MALRD1: variants seen among roughly 807,000 people sequenced by gnomAD.
MALRD1 encodes MAM and LDL-receptor class A domain-containing protein 1.
MALRD1 carries 247 observed loss-of-function variants against 242.1 expected under a neutral mutation model. The observed-to-expected ratio is 1.02, with a 90% confidence interval of 0.92 to 1.13. The LOEUF (loss-of-function observed/expected upper bound fraction) is 1.13, where lower values mean the gene tolerates loss of function less well. MALRD1 is among the 50% of genes most tolerant of loss of function. The probability of loss-of-function intolerance (pLI) is 0.00; values close to 1 mark genes in which losing one functional copy is unlikely to be tolerated. For synonymous variants in MALRD1, 995 were observed against 866.6 expected, an observed-to-expected ratio of 1.15 and a Z score of -2.60; for missense variants, 2,989 against 2,533.1, an observed-to-expected ratio of 1.18 and a Z score of -3.86.
chr10:19,360,824 T>C (rs544645296), intron 26 of MALRD1, among the ~76,000 whole-genome samples: 5 of 152,256 alleles, frequency 3.3e-5, no homozygotes, highest in South Asian at 2.1e-4. Flanking sequence ...ATAGTAATAA[T>C]GTTAAGTTGC....
intron 33 of MALRD1, among the ~76,000 whole-genome samples, chr10:19,592,591 G>A (rs146870495): frequency 1.5e-4 from 23 of 152,262 alleles, no homozygotes; most frequent in Non-Finnish European, 2.6e-4. Flanking sequence ...GCCCAATGGC[G>A]ACCTTGAAAA....
intron 19 of MALRD1, among the ~76,000 whole-genome samples, chr10:19,276,540 A>G (rs924277049): frequency 1.3e-5 from 2 of 152,182 alleles, no homozygotes; most frequent in Non-Finnish European, 2.9e-5. Flanking sequence ...TAATCTCATT[A>G]TAGATTTATT....
At chr10:19,249,343 G>A (rs777823919) in intron 18 of MALRD1, among the ~76,000 whole-genome samples, 11 of 151,724 alleles carry the variant, frequency 7.3e-5, no homozygotes, top group Non-Finnish European at 1.2e-4. Context: ...CAAAGTAAAA[G>A]GATGCAGGAT....
rs958965 is a variant in MALRD1 at position 19,697,327 on chromosome 10, C to T, written c.6314+4773C>T. 1.1e-4 allele frequency among the ~76,000 whole-genome samples: 16 copies of T among 152,184 alleles called. 1 individual carries two copies. Among genetic ancestry groups the T allele is most frequent in the Admixed American group, 1.0e-3 (16 of 15,274 alleles). ...GGCAGGAAACTCTGACAGAGTTTTG[C>T]ATCTCAGTCTTGAGGCAGAACCCTT... On this transcript the variant is annotated intron_variant, in intron 38 of 39. Transcript: ENST00000454679.
chr10:19,549,593 T>C (rs996163713), intron 32 of MALRD1, among the ~76,000 whole-genome samples: 4 of 152,204 alleles, frequency 2.6e-5, no homozygotes, highest in Non-Finnish European at 5.9e-5. Flanking sequence ...ACATTGCTTT[T>C]TGTAGGCATA....
At position 19,531,213 on chromosome 10, in the gene MALRD1, G is replaced by T. The variant is rs1834399238; in HGVS notation, c.5340G>T (p.Leu1780=). 8 of 1,550,124 alleles carry T rather than the reference G, an allele frequency of 5.2e-6. 1 individual carries two copies. The South Asian group carries it at 7.1e-5, about 14-fold the overall frequency. The change falls in exon 32 of 40, where the codon CTG becomes CTT. Residue 1780 remains leucine (L), a synonymous_variant. Transcript: ENST00000454679. ...TTCAAGGTAGTGGTCAGCACTTCCT[G>T]TACGTCAACTCATCTGGCTCCAAGG... The part of the protein sequence containing the change: ...DHTPGSGQHF[L]YVNSSGSKEG...
chr10:19,052,172 TAA>T (rs528931057), intron 1 of MALRD1: 3 of 420,818 alleles, frequency 7.1e-6, no homozygotes, highest in African/African-American at 2.1e-5. Context: ...CTAAAGAAAA[TAA>T]ACAGTATTAC....
chr10:19,669,060 A>G (rs1203271577), intron 36 of MALRD1, among the ~76,000 whole-genome samples: 2 of 152,234 alleles, frequency 1.3e-5, no homozygotes, highest in African/African-American at 4.8e-5. Flanking sequence ...TGTGAATGTA[A>G]CTGTCCACAT....
intron 26 of MALRD1, 139 bp from the exon 27 acceptor site, chr10:19,387,389 A>T (rs777475323): frequency 3.0e-5 from 29 of 954,584 alleles, no homozygotes; most frequent in Non-Finnish European, 4.1e-5. Flanking sequence ...AGAGAGAGAG[A>T]TGGGGTTCAG....
chr10:19,337,038 G>A (rs1564573295), intron 24 of MALRD1, among the ~76,000 whole-genome samples: 1 of 151,870 alleles, frequency 6.6e-6, no homozygotes, highest in Non-Finnish European at 1.5e-5. Context: ...TATATATTGT[G>A]TGTGTATATG....
intron 28 of MALRD1, among the ~76,000 whole-genome samples, chr10:19,437,313 G>A (rs558216569): frequency 4.9e-4 from 75 of 151,952 alleles, no homozygotes; most frequent in Non-Finnish European, 9.1e-4. Flanking sequence ...TTGTTCCACT[G>A]CTTTGTATAT....
At chr10:19,304,149 C>T (rs1187932146) in intron 21 of MALRD1, among the ~76,000 whole-genome samples, 2 of 151,678 alleles carry the variant, frequency 1.3e-5, no homozygotes, top group African/African-American at 4.8e-5. Flanking sequence ...CGTTGAGGAA[C>T]AAAAAGACAG....
chr10:19,318,728 A>G (rs192903663), intron 21 of MALRD1, among the ~76,000 whole-genome samples: 28 of 151,862 alleles, frequency 1.8e-4, no homozygotes, highest in African/African-American at 6.0e-4. Flanking sequence ...TTTATGTATA[A>G]TTTCATCTGA....
intron 35 of MALRD1, among the ~76,000 whole-genome samples, chr10:19,611,092 C>T (rs943631084): frequency 6.6e-6 from 1 of 151,938 alleles, no homozygotes; most frequent in Non-Finnish European, 1.5e-5. Context: ...TATTTAATAC[C>T]TTATACACAC....
chr10:19,175,370 T>C, intron 14 of MALRD1, 42 bp downstream of exon 14: 2 of 1,216,994 alleles, frequency 1.6e-6, no homozygotes, highest in Non-Finnish European at 1.0e-6. Flanking sequence ...AAACATTGAA[T>C]TAAGCTCTTC....
chr10:19,132,757 A>T (rs1283115519), intron 8 of MALRD1, among the ~76,000 whole-genome samples: 3 of 152,176 alleles, frequency 2.0e-5, no homozygotes, highest in Admixed American at 6.5e-5. Flanking sequence ...AAATTCATGC[A>T]TTCTATATGT....
intron 24 of MALRD1, among the ~76,000 whole-genome samples, chr10:19,337,814 G>C (rs1019053667): frequency 1.3e-5 from 2 of 152,030 alleles, no homozygotes; most frequent in Admixed American, 1.3e-4. Flanking sequence ...TGTAATCCCA[G>C]CACTTTGGGA....
At chr10:19,377,639 ATTT>A (rs35032147) in intron 26 of MALRD1, among the ~76,000 whole-genome samples, 1 of 150,606 alleles carries the variant, frequency 6.6e-6, no homozygotes, top group African/African-American at 2.5e-5. Flanking sequence ...AGTCATAATT[ATTT>A]TTTTTTCATT....
intron 17 of MALRD1, among the ~76,000 whole-genome samples, chr10:19,208,084 ATT>A (rs5783658): frequency 0.31 from 46,672 of 149,146 alleles, 7,511 homozygotes; most frequent in Admixed American, 0.4. Context: ...TCCATTTCAC[ATT>A]TTTTTTTTTT....
Sources: gnomAD v4.1 joint callset for allele counts (sites outside exome capture counted in the v4.1 genomes callset) on GRCh38, gnomAD v4.1.1 for gene constraint, MANE v1.5 for transcripts, NCBI Gene and HGNC (gene_info 2026-07-23, HGNC 2026-07-21) for gene names.